Variants in NTM observed in about 807,000 individuals in gnomAD.
NTM encodes the protein IgLON family member 2.
In NTM, 13 loss-of-function variants were observed where a neutral mutation model predicts 42.1. The observed-to-expected ratio is 0.31, with a 90% CI of 0.20 to 0.49. NTM has a LOEUF of 0.49. Ranked by LOEUF, NTM falls within the 20% of genes least tolerant of loss-of-function variation. NTM has a pLI of 0.99. For missense variants in NTM, 373 were observed against 452.8 expected, an observed-to-expected ratio of 0.82 and a Z score of 1.60; for synonymous variants, 187 against 179.2, an observed-to-expected ratio of 1.04 and a Z score of -0.35.
At chr11:131,529,172 G>A (rs1416459218) in intron 1 of NTM, among the ~76,000 whole-genome samples, 3 of 152,194 alleles carry the variant, frequency 2.0e-5, no homozygotes, top group South Asian at 2.1e-4. Context: ...TCCAGGCTGC[G>A]GCTAATGGCA....
chr11:131,722,096 A>G (rs2078430635), intron 1 of NTM, among the ~76,000 whole-genome samples: 1 of 152,104 alleles, frequency 6.6e-6, no homozygotes, highest in South Asian at 2.1e-4. Flanking sequence ...ATGCTTGTAA[A>G]GCAACAAACA....
At chr11:132,290,252 A>G (rs1353851995) in intron 4 of NTM, among the ~76,000 whole-genome samples, 1 of 151,924 alleles carries the variant, frequency 6.6e-6, no homozygotes, top group East Asian at 1.9e-4. Flanking sequence ...ACTAAAAGAT[A>G]GTCTGATTTT....
At chr11:131,696,589 A>G (rs2075475267) in intron 1 of NTM, among the ~76,000 whole-genome samples, 2 of 152,216 alleles carry the variant, frequency 1.3e-5, no homozygotes, top group East Asian at 1.9e-4. Flanking sequence ...CCTCCACTGT[A>G]CCTAACCTCT....
At chr11:132,017,826 A>T (rs1411801169) in intron 2 of NTM, among the ~76,000 whole-genome samples, 1 of 151,918 alleles carries the variant, frequency 6.6e-6, no homozygotes, top group East Asian at 1.9e-4. Flanking sequence ...ATTTCACTAC[A>T]CAGTATTATG....
intron 2 of NTM, among the ~76,000 whole-genome samples, chr11:132,069,015 GGGC>G (rs2056948089): frequency 6.6e-6 from 1 of 152,254 alleles, no homozygotes; most frequent in Non-Finnish European, 1.5e-5. Flanking sequence ...TTGACTAACT[GGGC>G]ATTGCAGCCT....
intron 1 of NTM, among the ~76,000 whole-genome samples, chr11:131,415,299 G>T (rs1402453847): frequency 6.6e-6 from 1 of 152,136 alleles, no homozygotes; most frequent in Admixed American, 6.5e-5. Context: ...AACTGGGTCG[G>T]CCTGATGCCT....
At chr11:132,121,791 G>A (rs2064878543) in intron 2 of NTM, among the ~76,000 whole-genome samples, 1 of 151,924 alleles carries the variant, frequency 6.6e-6, no homozygotes, top group African/African-American at 2.4e-5. Flanking sequence ...AATAACTTAA[G>A]TGCATCACTT....
chr11:131,747,398 G>A (rs1011177201), intron 1 of NTM, among the ~76,000 whole-genome samples: 1 of 152,144 alleles, frequency 6.6e-6, no homozygotes, highest in African/African-American at 2.4e-5. Flanking sequence ...CCTTTGGGTT[G>A]TGTCTCCTAA....
rs146823643 is a variant in NTM at position 131,524,190 on chromosome 11, C to T, written c.82+153302C>T. ...TGGTCTAGGGGATCCAAGACAGCTT[C>T]GCTCTCACGCCTTGCTGCTGTGGAA... On this transcript the variant is annotated intron_variant, in intron 1 of 8. Coordinates refer to ENST00000683400, the MANE Select transcript of NTM (RefSeq NM_001352005.2). 4.9e-3 allele frequency among the ~76,000 whole-genome samples: 752 copies of T among 152,332 alleles called. 6 individuals are homozygous for T. Among genetic ancestry groups the T allele is most frequent in the African/African-American group, 0.017 (718 of 41,578 alleles).
At chr11:132,313,870 C>T (rs2095350153) in intron 6 of NTM, among the ~76,000 whole-genome samples, 1 of 152,136 alleles carries the variant, frequency 6.6e-6, no homozygotes, top group South Asian at 2.1e-4. Flanking sequence ...GGGAGACTGT[C>T]CTGGCTCTAA....
At chr11:131,504,853 C>T (rs1013284731) in intron 1 of NTM, among the ~76,000 whole-genome samples, 4 of 152,164 alleles carry the variant, frequency 2.6e-5, no homozygotes, top group African/African-American at 9.7e-5. Context: ...GCACCCCGCT[C>T]CAGCCTGGAG....
chr11:132,144,980 A>G (rs1020000448), intron 2 of NTM, among the ~76,000 whole-genome samples: 2 of 152,216 alleles, frequency 1.3e-5, no homozygotes, highest in African/African-American at 4.8e-5. Flanking sequence ...TCTCATGGGG[A>G]CAGGGGGTCT....
At chr11:132,274,940 C>G (rs757292178) in intron 4 of NTM, among the ~76,000 whole-genome samples, 51 of 152,164 alleles carry the variant, frequency 3.4e-4, no homozygotes, top group Admixed American at 1.2e-3. Context: ...AAATAAAATG[C>G]ATTATGTTAT....
At chr11:131,999,020 A>T (rs138229696) in intron 2 of NTM, among the ~76,000 whole-genome samples, 5 of 152,262 alleles carry the variant, frequency 3.3e-5, no homozygotes, top group Admixed American at 3.3e-4. Flanking sequence ...CAGATCCAGA[A>T]TCACTCAGCC....
In NTM at chr11:132,335,202, A is replaced by C. The variant is rs772407928; in HGVS notation, c.*56A>C. On this transcript the variant is annotated 3_prime_UTR_variant, in exon 9 of 9. Transcript: ENST00000683400. ...CTGCCGCCACCACCACCACCAACAC[A>C]ACAGCAATGGCAACACCGACAGCAA... 7.5e-6 allele frequency: 12 copies of C among 1,591,172 alleles called. No homozygotes were observed. The highest frequency in any genetic ancestry group is 1.0e-5 in the Non-Finnish European group (12 of 1,165,308).
chr11:131,721,947 C>T (rs1198490540), intron 1 of NTM, among the ~76,000 whole-genome samples: 11 of 131,246 alleles, frequency 8.4e-5, no homozygotes, highest in East Asian at 2.3e-4. Context: ...TGCAGTGAGC[C>T]GAGATCGTGC....
intron 1 of NTM, among the ~76,000 whole-genome samples, chr11:131,420,361 G>A (rs75118157): frequency 0.025 from 3,772 of 152,240 alleles, 153 homozygotes; most frequent in African/African-American, 0.085. Flanking sequence ...AGAAAAGGGA[G>A]GAAACAGACT....
intron 1 of NTM, among the ~76,000 whole-genome samples, chr11:131,720,824 C>G (rs1013055891): frequency 2.0e-5 from 3 of 152,110 alleles, no homozygotes; most frequent in African/African-American, 7.2e-5. Context: ...AATTACCTAG[C>G]CTCTCTCTGC....
intron 1 of NTM, among the ~76,000 whole-genome samples, chr11:131,591,167 C>G (rs992195621): frequency 6.6e-6 from 1 of 152,210 alleles, no homozygotes; most frequent in Admixed American, 6.5e-5. Flanking sequence ...TCCTCACCTC[C>G]TCCCAGCCCC....
Sources: gnomAD v4.1 joint callset for allele counts (sites outside exome capture counted in the v4.1 genomes callset) on GRCh38, gnomAD v4.1.1 for gene constraint, MANE v1.5 for transcripts, NCBI Gene and HGNC (gene_info 2026-07-23, HGNC 2026-07-21) for gene names.